MTMR2: variants seen among roughly 807,000 people sequenced by gnomAD.
MTMR2 encodes phosphatidylinositol-3,5-bisphosphate 3-phosphatase MTMR2.
MTMR2 carries 55 observed loss-of-function variants against 86.9 expected under a neutral mutation model. That is an observed-to-expected ratio of 0.63 (90% CI 0.51 to 0.79). The LOEUF (loss-of-function observed/expected upper bound fraction) is 0.79, where lower values mean the gene tolerates loss of function less well. Among genes scored for constraint, MTMR2 ranks in the 30% least tolerant of loss-of-function variants. The probability of loss-of-function intolerance (pLI) is 0.00; values close to 1 mark genes in which losing one functional copy is unlikely to be tolerated. For synonymous variants in MTMR2, 241 were observed against 266.8 expected, an observed-to-expected ratio of 0.90 and a Z score of 0.94; for missense variants, 659 against 772.3, an observed-to-expected ratio of 0.85 and a Z score of 1.74.
At chr11:95,895,249 T>C (rs1865844304) in intron 1 of MTMR2, among the ~76,000 whole-genome samples, 1 of 151,918 alleles carries the variant, frequency 6.6e-6, no homozygotes, top group African/African-American at 2.4e-5. Context: ...AAATTGCTGT[T>C]TTTATAGGTC....
chr11:95,913,756 AG>A (rs1210635381), intron 1 of MTMR2, among the ~76,000 whole-genome samples: 1 of 151,838 alleles, frequency 6.6e-6, no homozygotes, highest in African/African-American at 2.4e-5. Flanking sequence ...GGGAAAGAGG[AG>A]GGGAAAAAAA....
chr11:95,840,555 C>T (rs769185899), intron 12 of MTMR2, among the ~76,000 whole-genome samples: 4 of 152,164 alleles, frequency 2.6e-5, no homozygotes, highest in Non-Finnish European at 4.4e-5. Flanking sequence ...GAATTGTATA[C>T]ACCTTTTCAG....
intron 1 of MTMR2, among the ~76,000 whole-genome samples, chr11:95,911,223 C>CT (rs1396078371): frequency 6.6e-6 from 1 of 152,092 alleles, no homozygotes; most frequent in Non-Finnish European, 1.5e-5. Flanking sequence ...TCCCAAGGTT[C>CT]TAAGGTACAT....
At chr11:95,903,072 T>A (rs1866131911) in intron 1 of MTMR2, among the ~76,000 whole-genome samples, 1 of 152,166 alleles carries the variant, frequency 6.6e-6, no homozygotes, top group Non-Finnish European at 1.5e-5. Flanking sequence ...GGCCATTCAG[T>A]TAATCGAATT....
chr11:95,873,074 T>C (rs1463164904), intron 2 of MTMR2, among the ~76,000 whole-genome samples: 1 of 152,178 alleles, frequency 6.6e-6, no homozygotes, highest in Admixed American at 6.5e-5. Context: ...GGTCTAAAAT[T>C]CTCTTTTTTT....
chr11:95,880,481 T>C (rs1476381927), intron 2 of MTMR2, among the ~76,000 whole-genome samples: 1 of 152,068 alleles, frequency 6.6e-6, no homozygotes, highest in African/African-American at 2.4e-5. Flanking sequence ...AAACTGGAAC[T>C]GCTAAGAAGA....
chr11:95,922,918 A>G (rs1866982554), intron 1 of MTMR2, among the ~76,000 whole-genome samples: 1 of 152,232 alleles, frequency 6.6e-6, no homozygotes, highest in African/African-American at 2.4e-5. Context: ...GTGTTTTCAC[A>G]CAGCAGTTAT....
intron 2 of MTMR2, among the ~76,000 whole-genome samples, chr11:95,872,622 T>C (rs1231673969): frequency 5.3e-5 from 8 of 152,222 alleles, no homozygotes; most frequent in African/African-American, 1.4e-4. Flanking sequence ...TCCTGCCTGA[T>C]TGCCCTGGCC....
At chr11:95,861,243 C>T (rs988529993) in intron 5 of MTMR2, among the ~76,000 whole-genome samples, 2 of 150,908 alleles carry the variant, frequency 1.3e-5, no homozygotes, top group Non-Finnish European at 1.5e-5. Flanking sequence ...TCTTCCACTA[C>T]GAAGTAGTGG....
intron 2 of MTMR2, among the ~76,000 whole-genome samples, chr11:95,886,367 A>C (rs1193244680): frequency 2.0e-5 from 3 of 152,182 alleles, no homozygotes; most frequent in Non-Finnish European, 2.9e-5. Context: ...GCAAACCTTA[A>C]AATATTTTAT....
chr11:95,911,170 G>A (rs957703737), intron 1 of MTMR2, among the ~76,000 whole-genome samples: 1 of 152,032 alleles, frequency 6.6e-6, no homozygotes, highest in African/African-American at 2.4e-5. Context: ...TGAGCTCTGG[G>A]ACAGCCTTCC....
chr11:95,840,931 C>T (rs927353427), intron 12 of MTMR2, among the ~76,000 whole-genome samples: 7 of 152,240 alleles, frequency 4.6e-5, no homozygotes, highest in Admixed American at 3.9e-4. Context: ...CTGCATTCAA[C>T]AGGGTTTCGA....
chr11:95,848,025 A>T, intron 9 of MTMR2, 126 bp from the exon 10 acceptor site: 2 of 932,860 alleles, frequency 2.1e-6, no homozygotes, highest in Non-Finnish European at 3.4e-6. Context: ...CCACAGGAAA[A>T]TGTGGATGGC....
At chr11:95,909,383 G>T (rs1438486488) in intron 1 of MTMR2, among the ~76,000 whole-genome samples, 1 of 152,144 alleles carries the variant, frequency 6.6e-6, no homozygotes, top group Non-Finnish European at 1.5e-5. Context: ...AACAAATGAA[G>T]TTTGGTACCT....
At chr11:95,849,098 T>C (rs979818929) in intron 9 of MTMR2, among the ~76,000 whole-genome samples, 6 of 152,156 alleles carry the variant, frequency 3.9e-5, no homozygotes, top group Admixed American at 6.5e-5. Flanking sequence ...GCTGTAGTTA[T>C]GTCTTCTCTC....
intron 1 of MTMR2, among the ~76,000 whole-genome samples, chr11:95,906,972 G>C (rs981584464): frequency 6.6e-6 from 1 of 152,092 alleles, no homozygotes; most frequent in Admixed American, 6.6e-5. Context: ...AGGGAACCAA[G>C]AGCAAACCAA....
intron 2 of MTMR2, among the ~76,000 whole-genome samples, chr11:95,866,924 T>C (rs1346074613): frequency 1.3e-5 from 2 of 152,096 alleles, no homozygotes; most frequent in South Asian, 2.1e-4. Flanking sequence ...GTAACTATTA[T>C]AGTACCACAC....
intron 2 of MTMR2, among the ~76,000 whole-genome samples, chr11:95,881,135 T>C (rs989242846): frequency 6.6e-6 from 1 of 152,086 alleles, no homozygotes; most frequent in Admixed American, 6.5e-5. Flanking sequence ...AACCTTTTTT[T>C]TTTTAAACAT....
rs1468506008 is a variant in MTMR2 at position 95,865,584 on chromosome 11, A to G, written c.262+17T>C. On this transcript the variant is annotated intron_variant, in intron 3 of 14. Coordinates refer to ENST00000346299, the MANE Select transcript of MTMR2 (RefSeq NM_016156.6). ...TAGAACGGAGAAGGACATTAAGCAAAAAATACCATTACGGACCCATGTCTT... is the reference window on the plus strand; with the variant it reads ...TAGAACGGAGAAGGACATTAAGCAAGAAATACCATTACGGACCCATGTCTT... The G allele has an allele frequency of 1.9e-6, 3 of 1,609,626 alleles. No individual in the cohort carries two copies. The East Asian group carries it at 6.7e-5, about 36-fold the overall frequency.
Sources: allele counts gnomAD v4.1 joint callset (sites outside exome capture counted in the v4.1 genomes callset), GRCh38; gene constraint gnomAD v4.1.1; transcripts MANE v1.5; gene names NCBI Gene and HGNC (gene_info 2026-07-23, HGNC 2026-07-21).